The following STIM2 variants were observed in gnomAD, a reference collection of about 807,000 sequenced individuals.
STIM2 encodes stromal interaction molecule 2.
Under a neutral mutation model 85.8 loss-of-function variants are expected in STIM2, and 31 were observed. That is an observed-to-expected ratio of 0.36 (90% CI 0.27 to 0.49). The LOEUF (loss-of-function observed/expected upper bound fraction) is 0.49, where lower values mean the gene tolerates loss of function less well. Ranked by LOEUF, STIM2 falls within the 20% of genes least tolerant of loss-of-function variation. The probability of loss-of-function intolerance (pLI) is 0.98; values close to 1 mark genes in which losing one functional copy is unlikely to be tolerated. For missense variants in STIM2, 841 were observed against 927.6 expected (o/e 0.91, Z 1.21); for synonymous variants, 356 against 331.1 (o/e 1.08, Z -0.82).
In STIM2 at chr4:26,861,428, G is replaced by A. The variant is rs918111550; in HGVS notation, c.151+59G>A. The A allele has an allele frequency of 4.0e-6, 5 of 1,256,354 alleles. No individual in the cohort carries two copies. The African/African-American group carries it at 4.7e-5, about 12-fold the overall frequency. 77.8% of individuals were successfully genotyped at this position (1,256,354 alleles called of 1,614,324 possible). A position where few individuals can be genotyped will look rare whatever the true frequency, so the allele number is the denominator to read the frequency against. ...CCGGCAGCGATGGGACCCCCAACCCGTGCAGAGGTCAGCATCTCCGCCGGA... is the reference window on the plus strand; with the variant it reads ...CCGGCAGCGATGGGACCCCCAACCCATGCAGAGGTCAGCATCTCCGCCGGA... On this transcript the variant is annotated intron_variant, in intron 1 of 11. Transcript: ENST00000467087.
intron 11 of STIM2, chr4:27,021,434 C>T (rs1177510531): frequency 1.5e-5 from 7 of 455,748 alleles, no homozygotes; most frequent in Non-Finnish European, 2.6e-5. Context: ...GTAGATAACA[C>T]CAAGCAGAGG....
intron 2 of STIM2, among the ~76,000 whole-genome samples, chr4:26,923,076 C>A (rs1023847932): frequency 6.0e-5 from 9 of 151,212 alleles, no homozygotes; most frequent in Non-Finnish European, 8.8e-5. Context: ...CCCCTGACCC[C>A]CGAGCAGCCT....
intron 1 of STIM2, among the ~76,000 whole-genome samples, chr4:26,908,346 A>C (rs961599617): frequency 1.3e-5 from 2 of 152,268 alleles, no homozygotes; most frequent in African/African-American, 4.8e-5. Flanking sequence ...TCAACAAAAC[A>C]GTTAACCAGG....
At chr4:26,874,213 G>T in intron 1 of STIM2, 1 of 468,332 alleles carries the variant, frequency 2.1e-6, no homozygotes, top group South Asian at 1.7e-5. Context: ...TGTCTGCACA[G>T]GGAACCCAGG....
chr4:26,956,805 T>G (rs1055880161), intron 2 of STIM2, among the ~76,000 whole-genome samples: 2 of 152,122 alleles, frequency 1.3e-5, no homozygotes, highest in African/African-American at 2.4e-5. Context: ...GGCAGTATAT[T>G]ATGCTGTTGA....
chr4:26,973,410 A>G (rs1302667435), intron 3 of STIM2, among the ~76,000 whole-genome samples: 1 of 152,162 alleles, frequency 6.6e-6, no homozygotes, highest in Admixed American at 6.5e-5. Context: ...ACTACTTTAA[A>G]TATGTCCCAG....
intron 10 of STIM2, among the ~76,000 whole-genome samples, chr4:27,010,651 T>G (rs1445088901): frequency 6.6e-6 from 1 of 152,158 alleles, no homozygotes; most frequent in Middle Eastern, 3.2e-3. Context: ...AGGCTCTTCA[T>G]TTCTATACCC....
At chr4:26,929,278 CTG>C (rs764007372) in intron 2 of STIM2, among the ~76,000 whole-genome samples, 22 of 152,192 alleles carry the variant, frequency 1.4e-4, no homozygotes, top group Non-Finnish European at 3.1e-4. Context: ...GATCTAGGCT[CTG>C]TGTGATGTGT....
At chr4:27,005,102 A>G (rs1728286932) in intron 7 of STIM2, among the ~76,000 whole-genome samples, 1 of 152,240 alleles carries the variant, frequency 6.6e-6, no homozygotes, top group African/African-American at 2.4e-5. Flanking sequence ...TAACTGAGAA[A>G]TGATGTATAA....
intron 1 of STIM2, among the ~76,000 whole-genome samples, chr4:26,904,677 G>C (rs950595271): frequency 1.3e-5 from 2 of 152,018 alleles, no homozygotes; most frequent in Admixed American, 6.6e-5. Flanking sequence ...ATTAGAGACA[G>C]CCAGCGGGAA....
intron 3 of STIM2, among the ~76,000 whole-genome samples, chr4:26,984,802 G>A (rs1362683236): frequency 1.3e-5 from 2 of 152,172 alleles, no homozygotes; most frequent in Non-Finnish European, 2.9e-5. Flanking sequence ...TTCCCTCAGT[G>A]TCCCCTGTAC....
At chr4:26,998,970 G>A (rs989464284) in intron 4 of STIM2, among the ~76,000 whole-genome samples, 1 of 151,442 alleles carries the variant, frequency 6.6e-6, no homozygotes, top group African/African-American at 2.4e-5. Flanking sequence ...AGTCATAACA[G>A]AAAGTAACCT....
At chr4:26,931,833 T>C (rs1725216868) in intron 2 of STIM2, among the ~76,000 whole-genome samples, 1 of 152,238 alleles carries the variant, frequency 6.6e-6, no homozygotes, top group African/African-American at 2.4e-5. Flanking sequence ...ATAGAGACTT[T>C]AATTCTTTCT....
intron 1 of STIM2, among the ~76,000 whole-genome samples, chr4:26,864,593 C>A (rs1224241660): frequency 6.6e-6 from 1 of 152,006 alleles, no homozygotes; most frequent in Non-Finnish European, 1.5e-5. Flanking sequence ...TTGCCTCTAT[C>A]CTTTTAAAGA....
chr4:27,004,560 T>C (rs1392122021), intron 7 of STIM2, among the ~76,000 whole-genome samples: 1 of 152,066 alleles, frequency 6.6e-6, no homozygotes, highest in Non-Finnish European at 1.5e-5. Flanking sequence ...TCTACAGAGA[T>C]ATAAACTGAT....
At chr4:27,017,233 C>T (rs1728760856) in intron 10 of STIM2, among the ~76,000 whole-genome samples, 1 of 152,200 alleles carries the variant, frequency 6.6e-6, no homozygotes, top group South Asian at 2.1e-4. Flanking sequence ...CTCTGCCTAA[C>T]CAGCTGTGAG....
chr4:26,865,592 ATTGT>A (rs1050675074), intron 1 of STIM2, among the ~76,000 whole-genome samples: 43 of 152,266 alleles, frequency 2.8e-4, no homozygotes, highest in Middle Eastern at 3.4e-3. Context: ...TTTCACAATG[ATTGT>A]TGGACGTCTG....
intron 3 of STIM2, among the ~76,000 whole-genome samples, chr4:26,992,559 A>G (rs1727804830): frequency 6.6e-6 from 1 of 152,082 alleles, no homozygotes; most frequent in Non-Finnish European, 1.5e-5. Context: ...GTTATATAGT[A>G]ATGTTCAGAA....
intron 4 of STIM2, among the ~76,000 whole-genome samples, chr4:26,995,916 C>T (rs1727947650): frequency 6.6e-6 from 1 of 151,932 alleles, no homozygotes; most frequent in South Asian, 2.1e-4. Context: ...TACGTTATAC[C>T]TGAATTTTAA....
Sources: allele counts gnomAD v4.1 joint callset (sites outside exome capture counted in the v4.1 genomes callset), GRCh38; gene constraint gnomAD v4.1.1; transcripts MANE v1.5; gene names NCBI Gene and HGNC (gene_info 2026-07-23, HGNC 2026-07-21).